Variants in NR2C1 observed in about 807,000 individuals in gnomAD.
The protein encoded by NR2C1 is nuclear receptor subfamily 2 group C member 1, also known as TR2 nuclear hormone receptor.
A neutral mutation model predicts 74.8 loss-of-function variants in NR2C1; 33 were observed. The observed-to-expected ratio is 0.44, with a 90% confidence interval of 0.33 to 0.59. The LOEUF (loss-of-function observed/expected upper bound fraction) is 0.59, where lower values mean the gene tolerates loss of function less well. Ranked by LOEUF, NR2C1 falls within the 20% of genes least tolerant of loss-of-function variation. The pLI, the probability that NR2C1 is intolerant of heterozygous loss-of-function variation, is 0.02. For synonymous variants in NR2C1, 225 were observed against 240.6 expected (o/e 0.94, Z 0.60); for missense variants, 568 against 715.6 (o/e 0.79, Z 2.35).
At chr12:95,065,894 G>A (rs146688297) in intron 2 of NR2C1, among the ~76,000 whole-genome samples, 2,030 of 150,752 alleles carry the variant, frequency 0.013, 42 homozygotes, top group African/African-American at 0.047. Context: ...AGGTTGCAGT[G>A]AGCCAAGACA....
rs1391768470 is a variant in NR2C1, at chr12:95,073,453, G to T, written c.-81C>A. The T allele has an allele frequency of 6.6e-6, 1 of 152,348 alleles. No homozygotes were observed. The highest frequency in any genetic ancestry group is 1.9e-4 in the East Asian group (1 of 5,198). 9.4% of individuals were successfully genotyped at this position (152,348 alleles called of 1,614,324 possible). A position where few individuals can be genotyped will look rare whatever the true frequency, so the allele number is the denominator to read the frequency against. Reference sequence around the variant, plus strand: ...GTCCCGCGGCTGCCACTCGTGGATTGGGGGGCGCTCCGGGAAGAGAGGTTG... The same window carrying T: ...GTCCCGCGGCTGCCACTCGTGGATTTGGGGGCGCTCCGGGAAGAGAGGTTG... On this transcript the variant is annotated 5_prime_UTR_variant, in exon 1 of 14. Transcript: ENST00000333003.
intron 7 of NR2C1, among the ~76,000 whole-genome samples, chr12:95,053,565 C>A (rs1473734854): frequency 6.6e-6 from 1 of 151,784 alleles, no homozygotes; most frequent in African/African-American, 2.4e-5. Context: ...TTTTGTAAAT[C>A]CTTTCCCATC....
chr12:95,064,328 CAAAAAAA>C (rs35375374), intron 2 of NR2C1, among the ~76,000 whole-genome samples: 2 of 107,980 alleles, frequency 1.9e-5, no homozygotes, highest in African/African-American at 3.5e-5. Context: ...GAGTCTGTCT[CAAAAAAA>C]AAAAAAAAAA....
Position 95,067,344 on chromosome 12 carries a change from T to C in NR2C1, c.41A>G (p.Gln14Arg). The C allele has an allele frequency of 6.2e-7, 1 of 1,613,872 alleles. No homozygotes were observed. The highest frequency in any genetic ancestry group is 1.1e-5 in the South Asian group (1 of 91,062). ...AACTAGACATACCTCTCCCATCTGT[T>C]GTTCAATAATTTGATGTGCAATTTC... is the stretch of plus-strand genomic sequence containing the variant. ...IEEIAHQIIE[Q>R]QMGEIVTEQQ... The change falls in exon 2 of 14, where the codon CAA becomes CGA. Residue 14 changes from glutamine (Q) to arginine (R), a missense_variant. Transcript: ENST00000333003.
chr12:95,046,028 C>T (rs183160024), intron 9 of NR2C1, among the ~76,000 whole-genome samples: 32 of 152,030 alleles, frequency 2.1e-4, no homozygotes, highest in Non-Finnish European at 4.0e-4. Flanking sequence ...TTAGTAAACA[C>T]GGGATTTCGT....
rs373684275 is a variant in NR2C1, at chr12:95,022,700, A to ATT, written c.1638-299_1638-298dup. Among the ~76,000 whole-genome samples, 465 of 143,322 alleles carry ATT rather than the reference A, an allele frequency of 3.2e-3. 6 individuals are homozygous for ATT. Among genetic ancestry groups the ATT allele is most frequent in the African/African-American group, 9.3e-3 (362 of 38,742 alleles). 94.0% of individuals were successfully genotyped at this position (143,322 alleles called of 152,430 possible). A position where few individuals can be genotyped will look rare whatever the true frequency, so the allele number is the denominator to read the frequency against. ...GTTAAACCATGCATCAAGTTATACAATTTTTTTTTTTTTTTTGAGAGAGGG... is the reference window on the plus strand; with the variant it reads ...GTTAAACCATGCATCAAGTTATACAATTTTTTTTTTTTTTTTTTGAGAGAGGG... On this transcript the variant is annotated intron_variant, in intron 13 of 13. Coordinates refer to ENST00000333003, the MANE Select transcript of NR2C1 (RefSeq NM_003297.4).
chr12:95,070,825 T>C (rs531951471), intron 1 of NR2C1, among the ~76,000 whole-genome samples: 2 of 152,246 alleles, frequency 1.3e-5, no homozygotes, highest in Non-Finnish European at 2.9e-5. Flanking sequence ...GAGGGGCCTC[T>C]GTTCAGGTCA....
intron 11 of NR2C1, chr12:95,030,591 A>T (rs1392476944): frequency 4.3e-6 from 7 of 1,613,274 alleles, no homozygotes; most frequent in Non-Finnish European, 5.1e-6. Context: ...CTTCTAGTAG[A>T]TCTATTTTTG....
chr12:95,071,348 T>A (rs1483022534), intron 1 of NR2C1, among the ~76,000 whole-genome samples: 1 of 152,244 alleles, frequency 6.6e-6, no homozygotes, highest in Non-Finnish European at 1.5e-5. Flanking sequence ...TAAAATTTTA[T>A]CTAAAGGTGC....
chr12:95,069,635 C>T (rs1293838529), intron 1 of NR2C1, among the ~76,000 whole-genome samples: 1 of 152,118 alleles, frequency 6.6e-6, no homozygotes, highest in East Asian at 1.9e-4. Flanking sequence ...GAACACATCC[C>T]CATAACATAT....
intron 1 of NR2C1, 139 bp from the exon 2 acceptor site, chr12:95,067,530 TTTC>T: frequency 1.4e-6 from 1 of 690,016 alleles, no homozygotes; most frequent in African/African-American, 1.8e-5. Context: ...TTTTCTGAAG[TTTC>T]TTTTTTCCAT....
rs1343662645 is a variant in NR2C1, at chr12:95,057,947, G to C, written c.545-69C>G. ...CAGACAATTAGAAATGTAAGCTGTA[G>C]GTAAGCTTAATGCTGCTAATAGGAG... On this transcript the variant is annotated intron_variant, in intron 5 of 13. Coordinates refer to ENST00000333003, the MANE Select transcript of NR2C1 (RefSeq NM_003297.4). 6 of 1,362,528 alleles carry C rather than the reference G, an allele frequency of 4.4e-6. No individual in the cohort carries two copies. In the African/African-American group the frequency reaches 5.8e-5, roughly 13 times the overall value. The allele number at this position is 1,362,528 out of a possible 1,614,324, so 84.4% of individuals were successfully genotyped here.
At chr12:95,056,831 T>A (rs889907064) in intron 7 of NR2C1, among the ~76,000 whole-genome samples, 1 of 151,628 alleles carries the variant, frequency 6.6e-6, no homozygotes, top group Non-Finnish European at 1.5e-5. Flanking sequence ...TGGTGGCAGG[T>A]GCCTGTAGTC....
At chr12:95,046,816 ACT>A (rs1317669937) in intron 9 of NR2C1, among the ~76,000 whole-genome samples, 1 of 152,084 alleles carries the variant, frequency 6.6e-6, no homozygotes, top group Non-Finnish European at 1.5e-5. Flanking sequence ...AAATTACCAG[ACT>A]CTAGGAGCTA....
rs1876447359 is a variant in NR2C1 at position 95,070,551 on chromosome 12, A to G, written c.-8+2829T>C. The stretch of plus-strand genomic sequence containing the variant: ...AATGTTCATATTGACTGGCTCAAAA[A>G]TTTATTCAATTTTCTTCCATTCAAC... On this transcript the variant is annotated intron_variant, in intron 1 of 13. Coordinates refer to ENST00000333003, the MANE Select transcript of NR2C1 (RefSeq NM_003297.4). Among the ~76,000 whole-genome samples, 3 of 152,174 alleles carry G rather than the reference A, an allele frequency of 2.0e-5. No homozygotes were observed. The South Asian group carries it at 6.2e-4, about 32-fold the overall frequency.
chr12:95,058,236 T>G, intron 5 of NR2C1, 74 bp downstream of exon 5: 1 of 1,319,684 alleles, frequency 7.6e-7, no homozygotes, highest in Non-Finnish European at 1.0e-6. Flanking sequence ...TTTGACATAT[T>G]TTGTTAATTT....
chr12:95,033,828 C>T (rs1565839231), intron 10 of NR2C1, among the ~76,000 whole-genome samples: 3 of 152,152 alleles, frequency 2.0e-5, no homozygotes, highest in African/African-American at 7.2e-5. Flanking sequence ...CTGATCTTAG[C>T]GAGTACAGAA....
At chr12:95,036,247 T>C (rs1870804304) in intron 10 of NR2C1, among the ~76,000 whole-genome samples, 2 of 121,936 alleles carry the variant, frequency 1.6e-5, no homozygotes, top group Admixed American at 1.8e-4. Context: ...CTAAGGCATC[T>C]AAAAAGCAAC....
At chr12:95,031,598 T>G (rs765551580) in intron 10 of NR2C1, 110 bp from the exon 11 acceptor site, 6 of 752,650 alleles carry the variant, frequency 8.0e-6, no homozygotes, top group Non-Finnish European at 1.1e-5. Flanking sequence ...ACTAAAATTA[T>G]TCTAGAAAGA....
Sources: allele counts gnomAD v4.1 joint callset (sites outside exome capture counted in the v4.1 genomes callset), GRCh38; gene constraint gnomAD v4.1.1; transcripts MANE v1.5; gene names NCBI Gene and HGNC (gene_info 2026-07-23, HGNC 2026-07-21).